The following TNRC6B variants were observed in gnomAD, a reference collection of about 807,000 sequenced individuals.
TNRC6B encodes trinucleotide repeat-containing gene 6B protein.
Under a neutral mutation model 203.6 loss-of-function variants are expected in TNRC6B, and 52 were observed. The ratio of observed to expected loss-of-function variants is 0.26; its 90% CI spans 0.20 to 0.32. The LOEUF (loss-of-function observed/expected upper bound fraction) is 0.32, where lower values mean the gene tolerates loss of function less well. TNRC6B is among the 10% of genes least tolerant of loss of function. The pLI, the probability that TNRC6B is intolerant of heterozygous loss-of-function variation, is 1.00. For missense variants in TNRC6B, 1,923 were observed against 2,286.2 expected (o/e 0.84, Z 3.24); for synonymous variants, 838 against 845.7 (o/e 0.99, Z 0.16).
intron 3 of TNRC6B, chr22:40,253,778 C>T (rs2070229172): frequency 2.2e-6 from 1 of 454,034 alleles, no homozygotes; most frequent in South Asian, 1.6e-5. Context: ...GCCACATCTT[C>T]ATCTTTATTC....
chr22:40,090,307 G>A (rs1454593103), intron 1 of TNRC6B, among the ~76,000 whole-genome samples: 2 of 152,096 alleles, frequency 1.3e-5, no homozygotes, highest in Non-Finnish European at 2.9e-5. Context: ...CAGCAATGAA[G>A]GAGCATTCCT....
At chr22:40,298,709 G>A (rs1046519906) in intron 12 of TNRC6B, among the ~76,000 whole-genome samples, 78 of 151,230 alleles carry the variant, frequency 5.2e-4, no homozygotes, top group African/African-American at 1.8e-3. Flanking sequence ...GCTCACGCCT[G>A]TAATCTCAGC....
chr22:40,086,210 A>G (rs548425788), intron 1 of TNRC6B, among the ~76,000 whole-genome samples: 80 of 152,276 alleles, frequency 5.3e-4, no homozygotes, highest in South Asian at 1.2e-3. Context: ...AATCTGAGGT[A>G]TATTCCATTT....
chr22:40,310,682 C>T (rs2071165020), intron 16 of TNRC6B, 135 bp from the exon 17 acceptor site: 1 of 877,018 alleles, frequency 1.1e-6, no homozygotes. Flanking sequence ...GTCTCGAATG[C>T]AACCTCTTAT....
At chr22:40,242,322 A>C (rs1244219561) in intron 1 of TNRC6B, among the ~76,000 whole-genome samples, 1 of 152,192 alleles carries the variant, frequency 6.6e-6, no homozygotes, top group Non-Finnish European at 1.5e-5. Flanking sequence ...GTCAATAACT[A>C]ATTTAGATCC....
At chr22:40,160,658 G>C (rs1247447163) in intron 4 of TNRC6B, among the ~76,000 whole-genome samples, 1 of 152,048 alleles carries the variant, frequency 6.6e-6, no homozygotes, top group East Asian at 1.9e-4. Context: ...TCAAACTCCA[G>C]GGCACCAGCA....
At chr22:40,309,071 C>A (rs2146560811) in intron 16 of TNRC6B, among the ~76,000 whole-genome samples, 1 of 152,336 alleles carries the variant, frequency 6.6e-6, no homozygotes, top group South Asian at 2.1e-4. Flanking sequence ...ACTAATAGAT[C>A]ATAATACATG....
In TNRC6B at chr22:40,220,558, T is replaced by A. The variant is rs573183765; in HGVS notation, c.6-25457T>A. Among the ~76,000 whole-genome samples the A allele has an allele frequency of 2.0e-5, 3 of 152,324 alleles. No homozygotes were observed. In the South Asian group the frequency reaches 6.2e-4, roughly 32 times the overall value. On this transcript the variant is annotated intron_variant, in intron 1 of 22. Transcript: ENST00000454349. The stretch of plus-strand genomic sequence containing the variant: ...TATAAGTATGTGTACACTCTATTGT[T>A]CAAGTGTTTGCTTAAATCACTGTAT...
At chr22:40,283,645 T>TA (rs761270659) in intron 11 of TNRC6B, among the ~76,000 whole-genome samples, 60 of 152,194 alleles carry the variant, frequency 3.9e-4, no homozygotes, top group Non-Finnish European at 6.9e-4. Context: ...ACTGTGGACT[T>TA]ACCTATATTA....
In TNRC6B at chr22:40,266,883, C is replaced by T. The variant is rs61743871; in HGVS notation, c.2653C>T (p.Arg885Trp). 7 of 1,613,818 alleles carry T rather than the reference C, an allele frequency of 4.3e-6. No individual in the cohort carries two copies. The highest frequency in any genetic ancestry group is 1.3e-5 in the African/African-American group (1 of 74,900). The change falls in exon 5 of 23, where the codon CGG becomes TGG. Residue 885 changes from arginine (R) to tryptophan (W), a missense_variant. Physicochemically the swap from Arg to Trp is moderately radical, Grantham distance 101. This residue lies in a region of TNRC6B where 599 missense variants were observed against 656.5 expected (regional missense o/e 0.91). Transcript: ENST00000454349. ...AGAGCCATCCCCACAGTCAATTAGT[C>T]GGAAAATGGACATTGATGATGGCAC... ...WEEPSPQSIS[R>W]KMDIDDGTSA...
intron 3 of TNRC6B, among the ~76,000 whole-genome samples, chr22:40,138,609 G>A (rs2068620297): frequency 6.6e-6 from 1 of 152,120 alleles, no homozygotes. Flanking sequence ...GAAATACTGA[G>A]GCACCTGCAG....
intron 1 of TNRC6B, among the ~76,000 whole-genome samples, chr22:40,094,294 TC>T (rs2146299354): frequency 6.6e-6 from 1 of 152,224 alleles, no homozygotes; most frequent in Non-Finnish European, 1.5e-5. Context: ...TATTTTATGC[TC>T]CATTAAGAAA....
chr22:40,138,474 C>G (rs548972942), intron 3 of TNRC6B, among the ~76,000 whole-genome samples: 3 of 152,240 alleles, frequency 2.0e-5, no homozygotes, highest in Non-Finnish European at 2.9e-5. Context: ...CTATGTTGGC[C>G]AGACTGGTCT....
intron 1 of TNRC6B, among the ~76,000 whole-genome samples, chr22:40,194,215 T>C (rs1235568090): frequency 6.6e-6 from 1 of 152,216 alleles, no homozygotes; most frequent in East Asian, 1.9e-4. Flanking sequence ...ATTTACATCT[T>C]GGAAGGGCTT....
chr22:40,110,483 A>G (rs2068323024), intron 1 of TNRC6B, among the ~76,000 whole-genome samples: 1 of 152,200 alleles, frequency 6.6e-6, no homozygotes, highest in Admixed American at 6.5e-5. Flanking sequence ...CTCTACCTGT[A>G]AGTGATTTGC....
intron 4 of TNRC6B, among the ~76,000 whole-genome samples, chr22:40,162,810 G>A (rs2068882214): frequency 6.6e-6 from 1 of 152,046 alleles, no homozygotes. Context: ...AACAGCTTTT[G>A]GGGGAAATGA....
At chr22:40,098,765 T>C (rs537227429) in intron 1 of TNRC6B, among the ~76,000 whole-genome samples, 1 of 152,238 alleles carries the variant, frequency 6.6e-6, no homozygotes, top group African/African-American at 2.4e-5. Context: ...TCTCACTCTG[T>C]CACCCATACT....
intron 3 of TNRC6B, among the ~76,000 whole-genome samples, chr22:40,137,948 A>G (rs1403040467): frequency 1.3e-5 from 2 of 149,410 alleles, no homozygotes; most frequent in Non-Finnish European, 3.0e-5. Context: ...ACACCACCAC[A>G]CTCCAGCCTG....
At chr22:40,308,190 T>A (rs376293660) in intron 15 of TNRC6B, among the ~76,000 whole-genome samples, 12 of 152,298 alleles carry the variant, frequency 7.9e-5, no homozygotes, top group African/African-American at 2.9e-4. Context: ...GATGTCGTCT[T>A]CTCCATCTCA....
Sources: allele counts gnomAD v4.1 joint callset (sites outside exome capture counted in the v4.1 genomes callset), GRCh38; gene constraint gnomAD v4.1.1; regional missense constraint gnomAD v4.1.1; transcripts MANE v1.5; gene names NCBI Gene and HGNC (gene_info 2026-07-23, HGNC 2026-07-21).